PRKCA: variants seen among roughly 807,000 people sequenced by gnomAD.
PRKCA encodes protein kinase C alpha type.
PRKCA carries 27 observed loss-of-function variants against 87.0 expected under a neutral mutation model. That is an observed-to-expected ratio of 0.31 (90% CI 0.23 to 0.43). PRKCA has a LOEUF of 0.43. PRKCA is among the 20% of genes least tolerant of loss of function. The pLI, the probability that PRKCA is intolerant of heterozygous loss-of-function variation, is 1.00. For missense variants in PRKCA, 518 were observed against 852.3 expected (o/e 0.61, Z 4.88); for synonymous variants, 329 against 311.1 (o/e 1.06, Z -0.61).
intron 13 of PRKCA, among the ~76,000 whole-genome samples, chr17:66,753,452 A>G (rs144944629): frequency 5.3e-5 from 8 of 152,314 alleles, no homozygotes; most frequent in African/African-American, 1.9e-4. Flanking sequence ...TATGATGGAA[A>G]GGGCCTGGGA....
At position 66,302,812 on chromosome 17, in the gene PRKCA, G is replaced by T. The variant is rs1169708171; in HGVS notation, c.-40G>T. 8.6e-7 allele frequency: 1 copy of T among 1,163,954 alleles called. No homozygotes were observed. The highest frequency in any genetic ancestry group is 1.1e-6 in the Non-Finnish European group (1 of 873,466). The allele number at this position is 1,163,954 out of a possible 1,614,324, so 72.1% of individuals were successfully genotyped here. On this transcript the variant is annotated 5_prime_UTR_variant, in exon 1 of 17. Coordinates refer to ENST00000413366, the MANE Select transcript of PRKCA (RefSeq NM_002737.3). The stretch of plus-strand genomic sequence containing the variant: ...CCCGCCCACCCGGCCCTCCGCGGCC[G>T]CAGCTCCCCGGCGGAGGCAAGAGGT...
At chr17:66,396,623 TTCTC>T (rs779049581) in intron 2 of PRKCA, among the ~76,000 whole-genome samples, 1 of 95,368 alleles carries the variant, frequency 1.0e-5, no homozygotes. Context: ...CTGTCATTCA[TTCTC>T]TCTCTTTTTT....
chr17:66,358,697 T>C (rs1467642123), intron 2 of PRKCA, among the ~76,000 whole-genome samples: 7 of 152,150 alleles, frequency 4.6e-5, no homozygotes, highest in Non-Finnish European at 4.4e-5. Context: ...TAAAATTTTA[T>C]TTCTTTACCC....
Position 66,792,670 on chromosome 17 carries a change from G to A in PRKCA, c.1854+3691G>A, listed in dbSNP as rs993277500. ...CACGGCGACATTAAGATCAAGATCT[G>A]CAGTACAGCTGTGGGCTGGATTCTG... On this transcript the variant is annotated intron_variant, in intron 16 of 16. Coordinates refer to ENST00000413366, the MANE Select transcript of PRKCA (RefSeq NM_002737.3). The surrounding 1 kb of genome is among the most constrained non-coding windows in gnomAD (Gnocchi z 4.5). Among the ~76,000 whole-genome samples the A allele has an allele frequency of 6.6e-6, 1 of 152,270 alleles. No homozygotes were observed. The highest frequency in any genetic ancestry group is 1.5e-5 in the Non-Finnish European group (1 of 68,044).
chr17:66,643,112 G>A (rs1431102734), intron 4 of PRKCA, among the ~76,000 whole-genome samples: 3 of 152,144 alleles, frequency 2.0e-5, no homozygotes, highest in African/African-American at 7.2e-5. Context: ...TTCTGCAAGG[G>A]CTTACAACTT....
intron 2 of PRKCA, among the ~76,000 whole-genome samples, chr17:66,375,710 C>G (rs1909380052): frequency 6.6e-6 from 1 of 152,078 alleles, no homozygotes; most frequent in Admixed American, 6.5e-5. Flanking sequence ...CACTTCAGGT[C>G]ATCTACAAAG....
intron 5 of PRKCA, among the ~76,000 whole-genome samples, chr17:66,683,878 T>G (rs1447790650): frequency 6.6e-6 from 1 of 152,086 alleles, no homozygotes; most frequent in African/African-American, 2.4e-5. Flanking sequence ...GGGATTTGAC[T>G]CCACATCTTG....
chr17:66,363,796 G>A (rs978686674), intron 2 of PRKCA, among the ~76,000 whole-genome samples: 5 of 152,130 alleles, frequency 3.3e-5, no homozygotes, highest in African/African-American at 1.2e-4. Context: ...TCTGCCTCCC[G>A]GGTTCAAACG....
chr17:66,731,280 G>T (rs1973879370), intron 8 of PRKCA, among the ~76,000 whole-genome samples: 1 of 150,278 alleles, frequency 6.7e-6, no homozygotes, highest in Non-Finnish European at 1.5e-5. Flanking sequence ...GGAGGCGGAG[G>T]TTGCAGTGAG....
In PRKCA at chr17:66,330,697, G is replaced by T. The variant is rs186229793; in HGVS notation, c.205+24570G>T. ...GGTCTCAGGATGACTGTAGGAAAAA[G>T]GTATTTGGAAGATTGTGTACACTGA... On this transcript the variant is annotated intron_variant, in intron 2 of 16. Transcript: ENST00000413366. Among the ~76,000 whole-genome samples, 47 of 152,068 alleles carry T rather than the reference G, an allele frequency of 3.1e-4. No individual in the cohort carries two copies. The East Asian group carries it at 8.9e-3, about 29-fold the overall frequency.
intron 3 of PRKCA, among the ~76,000 whole-genome samples, chr17:66,558,541 T>TGA (rs1968574696): frequency 6.6e-6 from 1 of 151,994 alleles, no homozygotes; most frequent in Non-Finnish European, 1.5e-5. Context: ...CTGAGGCAGG[T>TGA]GAGCTGAGCA....
chr17:66,615,550 C>A (rs186521475), intron 3 of PRKCA, among the ~76,000 whole-genome samples: 1 of 152,280 alleles, frequency 6.6e-6, no homozygotes, highest in African/African-American at 2.4e-5. Context: ...GTCTATCCTT[C>A]AAGCCTGAGA....
chr17:66,579,928 T>G (rs1969367019), intron 3 of PRKCA, among the ~76,000 whole-genome samples: 1 of 152,082 alleles, frequency 6.6e-6, no homozygotes, highest in African/African-American at 2.4e-5. Flanking sequence ...GCTTTCTCCT[T>G]GCCCTTCAAG....
intron 2 of PRKCA, among the ~76,000 whole-genome samples, chr17:66,434,199 G>T (rs1303134948): frequency 6.6e-6 from 1 of 151,778 alleles, no homozygotes; most frequent in Admixed American, 6.6e-5. Context: ...GTTTGGAGCA[G>T]CTTAACTGGG....
intron 11 of PRKCA, among the ~76,000 whole-genome samples, chr17:66,740,895 C>G (rs9906360): frequency 0.03 from 4,526 of 152,280 alleles, 84 homozygotes; most frequent in African/African-American, 0.038. Flanking sequence ...CTCTTCTAGC[C>G]TTCAGAGGTG....
chr17:66,372,799 G>A (rs1373408679), intron 2 of PRKCA, among the ~76,000 whole-genome samples: 2 of 152,274 alleles, frequency 1.3e-5, no homozygotes, highest in African/African-American at 2.4e-5. Context: ...GCTCGCACCT[G>A]TAATCCCAGT....
intron 4 of PRKCA, among the ~76,000 whole-genome samples, chr17:66,642,681 T>C (rs1160610914): frequency 6.6e-6 from 1 of 152,214 alleles, no homozygotes; most frequent in East Asian, 1.9e-4. Context: ...ATAGAGTAGA[T>C]GGAGTTTCTC....
At chr17:66,691,662 C>A (rs1458416509) in intron 8 of PRKCA, among the ~76,000 whole-genome samples, 1 of 152,208 alleles carries the variant, frequency 6.6e-6, no homozygotes, top group East Asian at 1.9e-4. Context: ...TGCCAGCATT[C>A]TTCAGCTGTC....
At chr17:66,411,445 T>C (rs982822822) in intron 2 of PRKCA, among the ~76,000 whole-genome samples, 1 of 152,158 alleles carries the variant, frequency 6.6e-6, no homozygotes, top group Non-Finnish European at 1.5e-5. Flanking sequence ...ATCTGTGTAC[T>C]TATTGTTTTG....
Sources: allele counts gnomAD v4.1 joint callset (sites outside exome capture counted in the v4.1 genomes callset), GRCh38; gene constraint gnomAD v4.1.1; non-coding constraint Gnocchi (gnomAD v3.1); transcripts MANE v1.5; gene names NCBI Gene and HGNC (gene_info 2026-07-23, HGNC 2026-07-21).